Variants in EPHA4 observed in about 807,000 individuals in gnomAD.
The protein encoded by EPHA4 is ephrin type-A receptor 4.
In EPHA4, 19 loss-of-function variants were observed where a neutral mutation model predicts 108.3. That is an observed-to-expected ratio of 0.18 (90% confidence interval 0.12 to 0.26). The LOEUF is 0.26. Among genes scored for constraint, EPHA4 ranks in the 10% least tolerant of loss-of-function variants. EPHA4 has a pLI of 1.00. For missense variants in EPHA4, 917 were observed against 1,254.0 expected (o/e 0.73, Z 4.06); for synonymous variants, 449 against 455.5 (o/e 0.99, Z 0.18).
At chr2:221,437,179 TA>T in intron 11 of EPHA4, 57 bp from the exon 12 acceptor site, 2 of 1,324,508 alleles carry the variant, frequency 1.5e-6, no homozygotes, top group Non-Finnish European at 2.2e-6. Flanking sequence ...CTTAATGAGA[TA>T]AAAATGGGCT....
intron 3 of EPHA4, among the ~76,000 whole-genome samples, chr2:221,528,056 T>G (rs934269491): frequency 6.7e-6 from 1 of 149,462 alleles, no homozygotes; most frequent in African/African-American, 2.5e-5. Flanking sequence ...TCCTTCTCTG[T>G]GCACACAGCA....
At chr2:221,488,875 G>A (rs1190153746) in intron 4 of EPHA4, among the ~76,000 whole-genome samples, 3 of 152,182 alleles carry the variant, frequency 2.0e-5, no homozygotes, top group Non-Finnish European at 1.5e-5. Flanking sequence ...GAAAATTCCA[G>A]TAATTCCACA....
At chr2:221,553,014 C>T (rs1694204934) in intron 3 of EPHA4, among the ~76,000 whole-genome samples, 1 of 152,166 alleles carries the variant, frequency 6.6e-6, no homozygotes, top group Non-Finnish European at 1.5e-5. Context: ...AATTGCACCT[C>T]TAACTGGCAA....
Position 221,426,057 on chromosome 2 carries a change from G to A in EPHA4, c.2932C>T (p.Gln978Ter). The stretch of plus-strand genomic sequence containing the variant: ...ACGGGAACCATTCTGCCGTGCATCT[G>A]CTGCATTTGGGTTCGCATTGCCTGG... ...SVQAMRTQMQ[Q>*]MHGRMVPV Residue 978 changes from glutamine (Q) to a stop codon, truncating the protein, a stop_gained, in exon 17 of 18, where the codon CAG becomes TAG. Coordinates refer to ENST00000281821, the MANE Select transcript of EPHA4 (RefSeq NM_004438.5). LOFTEE classifies it high-confidence loss of function. The A allele has an allele frequency of 6.2e-7, 1 of 1,614,080 alleles. No homozygotes were observed. The highest frequency in any genetic ancestry group is 8.5e-7 in the Non-Finnish European group (1 of 1,180,008).
intron 3 of EPHA4, among the ~76,000 whole-genome samples, chr2:221,546,823 A>G (rs1256378097): frequency 6.6e-6 from 1 of 152,258 alleles, no homozygotes; most frequent in African/African-American, 2.4e-5. Flanking sequence ...ATCGTGTTTC[A>G]TATGTGAAAT....
chr2:221,479,715 C>T (rs980597298), intron 5 of EPHA4, among the ~76,000 whole-genome samples: 21 of 152,174 alleles, frequency 1.4e-4, no homozygotes, highest in African/African-American at 4.6e-4. Flanking sequence ...ATAAACTATC[C>T]TGATGACTTG....
intron 5 of EPHA4, 152 bp downstream of exon 5, chr2:221,482,200 C>G: frequency 1.2e-6 from 1 of 804,850 alleles, no homozygotes; most frequent in Non-Finnish European, 1.9e-6. Context: ...TGTAAGCCAC[C>G]GTGCCCAGCC....
intron 4 of EPHA4, among the ~76,000 whole-genome samples, chr2:221,499,752 A>AT (rs1279174124): frequency 0.014 from 557 of 41,230 alleles, 2 homozygotes; most frequent in Middle Eastern, 0.026. Flanking sequence ...ATATATATAT[A>AT]TATATTTTTT....
chr2:221,421,620 C>T (rs1283670309), intron 17 of EPHA4, among the ~76,000 whole-genome samples: 1 of 152,210 alleles, frequency 6.6e-6, no homozygotes, highest in Non-Finnish European at 1.5e-5. Flanking sequence ...CTCATGGCTC[C>T]TCATTGTCCA....
chr2:221,547,137 C>T (rs1694020909), intron 3 of EPHA4, among the ~76,000 whole-genome samples: 1 of 152,028 alleles, frequency 6.6e-6, no homozygotes, highest in Non-Finnish European at 1.5e-5. Flanking sequence ...CATCTTTTTT[C>T]CCTTTTCTTC....
At chr2:221,507,862 C>T (rs1009123197) in intron 3 of EPHA4, among the ~76,000 whole-genome samples, 3 of 152,162 alleles carry the variant, frequency 2.0e-5, no homozygotes, top group Admixed American at 1.3e-4. Context: ...CCAAACTTCT[C>T]ATCTCAGAAG....
chr2:221,420,920 C>G (rs896482789), intron 17 of EPHA4, among the ~76,000 whole-genome samples: 7 of 152,148 alleles, frequency 4.6e-5, no homozygotes, highest in African/African-American at 1.4e-4. Flanking sequence ...CTTTAACCAC[C>G]GTGTTGAACA....
At chr2:221,566,808 G>C (rs1463261757) in intron 2 of EPHA4, among the ~76,000 whole-genome samples, 1 of 145,164 alleles carries the variant, frequency 6.9e-6, no homozygotes, top group Non-Finnish European at 1.5e-5. Context: ...AGAGGGAGAA[G>C]AAGAAGAAGG....
chr2:221,562,673 G>T (rs534651177), intron 3 of EPHA4, among the ~76,000 whole-genome samples: 43 of 152,152 alleles, frequency 2.8e-4, no homozygotes, highest in Non-Finnish European at 4.7e-4. Flanking sequence ...TAATGGATTG[G>T]CAGCCGCAGA....
At chr2:221,440,641 G>C (rs1348512396) in intron 11 of EPHA4, among the ~76,000 whole-genome samples, 1 of 150,904 alleles carries the variant, frequency 6.6e-6, no homozygotes, top group African/African-American at 2.4e-5. Flanking sequence ...TCTGAAGATG[G>C]GGAAAGATGT....
At chr2:221,523,273 C>T (rs1693228878) in intron 3 of EPHA4, among the ~76,000 whole-genome samples, 1 of 151,950 alleles carries the variant, frequency 6.6e-6, no homozygotes, top group Non-Finnish European at 1.5e-5. Context: ...AATTGGCTAA[C>T]TAATATATTT....
intron 8 of EPHA4, among the ~76,000 whole-genome samples, chr2:221,451,928 T>A (rs1471856814): frequency 6.6e-6 from 1 of 152,110 alleles, no homozygotes; most frequent in Non-Finnish European, 1.5e-5. Context: ...TTATTCTGGC[T>A]TGCCTTAGGC....
chr2:221,457,835 A>G (rs1423605292), intron 6 of EPHA4, 31 bp downstream of exon 6: 1 of 1,603,952 alleles, frequency 6.2e-7, no homozygotes. Flanking sequence ...GAAGGAAGAA[A>G]GGAAAGGAGT....
intron 3 of EPHA4, among the ~76,000 whole-genome samples, chr2:221,554,594 C>T (rs2106201322): frequency 6.6e-6 from 1 of 151,950 alleles, no homozygotes; most frequent in East Asian, 1.9e-4. Context: ...AGGAGGGAGA[C>T]AGAAACAAAA....
Sources: gnomAD v4.1 joint callset for allele counts (sites outside exome capture counted in the v4.1 genomes callset) on GRCh38, gnomAD v4.1.1 for gene constraint, MANE v1.5 for transcripts, NCBI Gene and HGNC (gene_info 2026-07-23, HGNC 2026-07-21) for gene names.